The following CPLX2 variants were observed in gnomAD, a reference collection of about 807,000 sequenced individuals.
CPLX2 encodes the protein complexin-2.
In CPLX2, 5 loss-of-function variants were observed where a neutral mutation model predicts 16.3. The observed-to-expected ratio is 0.31, with a 90% CI of 0.16 to 0.64. CPLX2 has a LOEUF of 0.64. Ranked by LOEUF, CPLX2 falls within the 30% of genes least tolerant of loss-of-function variation. The pLI, the probability that CPLX2 is intolerant of heterozygous loss-of-function variation, is 0.79. For missense variants in CPLX2, 144 were observed against 181.4 expected, an observed-to-expected ratio of 0.79 and a Z score of 1.18; for synonymous variants, 89 against 73.2, an observed-to-expected ratio of 1.22 and a Z score of -1.10.
chr5:175,878,578 C>A, intron 1 of CPLX2, 74 bp from the exon 2 acceptor site: 1 of 732,268 alleles, frequency 1.4e-6, no homozygotes, highest in Non-Finnish European at 2.4e-6. Flanking sequence ...CAGGGTGAGG[C>A]TGCTGTCTGC....
upstream of CPLX2, chr5:175,871,458 A>AGGGAGAGAGAGAGAGAGAGGGAGAGAGG (rs1554122146): frequency 3.8e-5 from 3 of 79,904 alleles, no homozygotes; most frequent in Admixed American, 1.7e-4. Flanking sequence ...AGAGAGAGAG[A>AGGGAGAGAGAGAGAGAGAGGGAGAGAGG]GAGAGAGAGA....
chr5:175,815,765 C>T (rs1758396581), intron 2 of CPLX2, among the ~76,000 whole-genome samples: 1 of 152,232 alleles, frequency 6.6e-6, no homozygotes, highest in Admixed American at 6.5e-5. Flanking sequence ...TGGACTCCCA[C>T]AGACCCTGTA....
chr5:175,882,418 G>A lies in CPLX2; in HGVS notation c.*2373G>A, dbSNP rs1291354484. 2 of 152,700 alleles carry A rather than the reference G, an allele frequency of 1.3e-5. No homozygotes were observed. 9.5% of individuals were successfully genotyped at this position (152,700 alleles called of 1,614,324 possible). On this transcript the variant is annotated 3_prime_UTR_variant, in exon 4 of 4. Transcript: ENST00000393745. Reference sequence around the variant, plus strand: ...ACAGGGACCTTCAAACCTCGACAGTGATGCAAGGACACAGAGAGTACCAGA... The same window carrying A: ...ACAGGGACCTTCAAACCTCGACAGTAATGCAAGGACACAGAGAGTACCAGA...
intron 1 of CPLX2, among the ~76,000 whole-genome samples, chr5:175,804,617 C>T (rs1280926495): frequency 1.3e-5 from 2 of 152,220 alleles, no homozygotes; most frequent in Admixed American, 1.3e-4. Context: ...GGACCGGCAA[C>T]ATCAACATCA....
intron 1 of CPLX2, among the ~76,000 whole-genome samples, chr5:175,805,074 A>G (rs1177251264): frequency 1.3e-5 from 2 of 152,260 alleles, no homozygotes; most frequent in Non-Finnish European, 2.9e-5. Context: ...CATAGTAAGC[A>G]TTCGGTAAAC....
intron 2 of CPLX2, among the ~76,000 whole-genome samples, chr5:175,862,384 T>C (rs1759388828): frequency 6.6e-6 from 1 of 152,232 alleles, no homozygotes; most frequent in Non-Finnish European, 1.5e-5. Context: ...AAATTAGATT[T>C]TTTTTAATGC....
chr5:175,848,332 C>A (rs985861088), intron 2 of CPLX2, among the ~76,000 whole-genome samples: 1 of 152,220 alleles, frequency 6.6e-6, no homozygotes, highest in African/African-American at 2.4e-5. Context: ...GGTCAGGAAG[C>A]ATCCCTGGAC....
intron 2 of CPLX2, among the ~76,000 whole-genome samples, chr5:175,832,307 A>C (rs1758748830): frequency 6.6e-6 from 1 of 152,240 alleles, no homozygotes; most frequent in Non-Finnish European, 1.5e-5. Flanking sequence ...TGCTTGCAAC[A>C]ACACAGAGAG....
chr5:175,833,794 G>T (rs1758775194), intron 2 of CPLX2, among the ~76,000 whole-genome samples: 1 of 152,150 alleles, frequency 6.6e-6, no homozygotes, highest in African/African-American at 2.4e-5. Context: ...CCATAGCCAG[G>T]CCCCTTCTTT....
intron 2 of CPLX2, among the ~76,000 whole-genome samples, chr5:175,850,510 C>A (rs577104275): frequency 6.6e-6 from 1 of 152,210 alleles, no homozygotes; most frequent in Non-Finnish European, 1.5e-5. Context: ...CACACCTGCA[C>A]TTCCTCGGAA....
chr5:175,859,238 C>T (rs977662689), intron 2 of CPLX2, among the ~76,000 whole-genome samples: 1 of 152,230 alleles, frequency 6.6e-6, no homozygotes, highest in Non-Finnish European at 1.5e-5. Flanking sequence ...GTAGCCAGGG[C>T]AGAGAGGCCT....
intron 2 of CPLX2, among the ~76,000 whole-genome samples, chr5:175,811,775 C>A (rs1758317010): frequency 6.6e-6 from 1 of 152,230 alleles, no homozygotes; most frequent in South Asian, 2.1e-4. Context: ...GGGCCATAGT[C>A]AGCACTGAAG....
At chr5:175,798,470 A>T (rs1424120650) in intron 1 of CPLX2, among the ~76,000 whole-genome samples, 1 of 152,194 alleles carries the variant, frequency 6.6e-6, no homozygotes, top group Non-Finnish European at 1.5e-5. Context: ...GTATCAAGGC[A>T]ACTGGGCTGT....
At position 175,816,807 on chromosome 5, in the gene CPLX2, G is replaced by A. The variant is rs532785602; in HGVS notation, c.-89+7739G>A. 2.0e-5 allele frequency among the ~76,000 whole-genome samples: 3 copies of A among 152,360 alleles called. No homozygotes were observed. In the South Asian group the frequency reaches 6.2e-4, roughly 32 times the overall value. ...TGTTTAACTCAACACATCCTAAAAA[G>A]TGGGAAAAGAGTGGGGAGAGAATTT... On this transcript the variant is annotated intron_variant, in intron 2 of 4. Coordinates refer to the CPLX2 transcript ENST00000359546.
intron 2 of CPLX2, among the ~76,000 whole-genome samples, chr5:175,866,449 C>T (rs1299066967): frequency 6.6e-6 from 1 of 152,190 alleles, no homozygotes; most frequent in Non-Finnish European, 1.5e-5. Flanking sequence ...AGACTGCAGA[C>T]TGATTTGCAG....
chr5:175,813,648 C>T (rs1758353183), intron 2 of CPLX2, among the ~76,000 whole-genome samples: 2 of 152,254 alleles, frequency 1.3e-5, no homozygotes, highest in African/African-American at 4.8e-5. Context: ...CACAGGCACA[C>T]AGAGCAGTCC....
intron 1 of CPLX2, among the ~76,000 whole-genome samples, chr5:175,874,708 G>A (rs180855870): frequency 6.6e-6 from 1 of 152,262 alleles, no homozygotes; most frequent in East Asian, 1.9e-4. Context: ...AAATGTGCAG[G>A]TGTAGGGGAG....
At position 175,830,174 on chromosome 5, in the gene CPLX2, G is replaced by T. The variant is rs1758706602; in HGVS notation, c.-89+21106G>T. ...GCACATGAAGGGCAGTGTGGGCAGAGGGACAGGCAGGGAGGGCACTGCCGC... is the reference window on the plus strand; with the variant it reads ...GCACATGAAGGGCAGTGTGGGCAGATGGACAGGCAGGGAGGGCACTGCCGC... On this transcript the variant is annotated intron_variant, in intron 2 of 4. Transcript: ENST00000359546. This position sits in a 1 kb window ranked among gnomAD's most constrained non-coding sequence, Gnocchi z 4.0. 6.6e-6 allele frequency among the ~76,000 whole-genome samples: 1 copy of T among 152,238 alleles called. No individual in the cohort carries two copies. Among genetic ancestry groups the T allele is most frequent in the Admixed American group, 6.5e-5 (1 of 15,286 alleles).
At chr5:175,811,758 A>T (rs113137252) in intron 2 of CPLX2, among the ~76,000 whole-genome samples, 1,572 of 152,300 alleles carry the variant, frequency 0.01, 21 homozygotes, top group African/African-American at 0.036. Context: ...CCTTTCAGAG[A>T]GGACCAGGGC....
Sources: gnomAD v4.1 joint callset for allele counts (sites outside exome capture counted in the v4.1 genomes callset) on GRCh38, gnomAD v4.1.1 for gene constraint, Gnocchi (gnomAD v3.1) non-coding constraint, MANE v1.5 for transcripts, NCBI Gene and HGNC (gene_info 2026-07-23, HGNC 2026-07-21) for gene names.